The following PRICKLE1 variants were observed in gnomAD, a reference collection of about 807,000 sequenced individuals.
PRICKLE1 encodes the protein prickle planar cell polarity protein 1.
A neutral mutation model predicts 70.2 loss-of-function variants in PRICKLE1; 14 were observed. The ratio of observed to expected loss-of-function variants is 0.20; its 90% CI spans 0.13 to 0.31. The LOEUF (loss-of-function observed/expected upper bound fraction) is 0.31. Ranked by LOEUF, PRICKLE1 falls within the 10% of genes least tolerant of loss-of-function variation. PRICKLE1 has a pLI of 1.00. For synonymous variants in PRICKLE1, 357 were observed against 379.9 expected, an observed-to-expected ratio of 0.94 and a Z score of 0.70; for missense variants, 821 against 1,026.2, an observed-to-expected ratio of 0.80 and a Z score of 2.73.
At chr12:42,540,232 T>C (rs1481267112) in intron 1 of PRICKLE1, among the ~76,000 whole-genome samples, 1 of 152,200 alleles carries the variant, frequency 6.6e-6, no homozygotes, top group African/African-American at 2.4e-5. Context: ...TGATAGAATG[T>C]TTCCCTCAGG....
At chr12:42,529,946 TTCCTTCC>T in intron 1 of PRICKLE1, among the ~76,000 whole-genome samples, 6 of 49,898 alleles carry the variant, frequency 1.2e-4, no homozygotes, top group African/African-American at 2.6e-4. Flanking sequence ...CCTTTCTTCC[TTCCTTCC>T]TTTTTTTTTT....
intron 1 of PRICKLE1, among the ~76,000 whole-genome samples, chr12:42,574,503 T>A (rs921949799): frequency 2.6e-5 from 4 of 152,270 alleles, no homozygotes; most frequent in African/African-American, 9.6e-5. Flanking sequence ...GAAATTGGCA[T>A]GTTCAGCCAC....
At chr12:42,535,726 G>A (rs931926023) in intron 1 of PRICKLE1, among the ~76,000 whole-genome samples, 2 of 152,184 alleles carry the variant, frequency 1.3e-5, no homozygotes, top group Admixed American at 1.3e-4. Context: ...TGAGGCTGCA[G>A]TAAGCTATGA....
At chr12:42,579,629 G>A (rs1380006910) in intron 1 of PRICKLE1, among the ~76,000 whole-genome samples, 1 of 152,140 alleles carries the variant, frequency 6.6e-6, no homozygotes, top group Non-Finnish European at 1.5e-5. Flanking sequence ...TTTGGCAGAG[G>A]GCATATGGTA....
rs556218718 is a variant in PRICKLE1 at position 42,485,239 on chromosome 12, G to GTTT, written c.-48-12678_-48-12676dup. 5.4e-4 allele frequency: 54 copies of GTTT among 100,808 alleles called. 1 individual carries two copies. The highest frequency in any genetic ancestry group is 7.7e-4 in the Non-Finnish European group (41 of 53,146). 6.2% of individuals were successfully genotyped at this position (100,808 alleles called of 1,614,324 possible). A position where few individuals can be genotyped will look rare whatever the true frequency, so the allele number is the denominator to read the frequency against. The stretch of plus-strand genomic sequence containing the variant: ...AGCTACAAAGTAAGGCAGCTGAGAA[G>GTTT]TTTTTTTTTTTTTTTTTTTTTTTTT... On this transcript the variant is annotated intron_variant, in intron 1 of 7. Transcript: ENST00000345127.
Position 42,535,681 on chromosome 12 carries a change from G to A in PRICKLE1, c.-49+53784C>T, listed in dbSNP as rs963260032. 2.0e-4 allele frequency among the ~76,000 whole-genome samples: 30 copies of A among 152,318 alleles called. 1 individual carries two copies. The highest frequency in any genetic ancestry group is 1.4e-3 in the Admixed American group (22 of 15,300). On this transcript the variant is annotated intron_variant, in intron 1 of 7. Coordinates refer to ENST00000345127, the MANE Select transcript of PRICKLE1 (RefSeq NM_153026.3). ...ACCCTCTAGTCCCAGCTATTGGGGA[G>A]GTCGAGGCAGGAGGATTGCTTGAGC... is the stretch of plus-strand genomic sequence containing the variant.
intron 1 of PRICKLE1, among the ~76,000 whole-genome samples, chr12:42,478,399 A>G (rs1339845012): frequency 6.6e-6 from 1 of 151,986 alleles, no homozygotes; most frequent in African/African-American, 2.4e-5. Flanking sequence ...AATGAAGGAG[A>G]AAGAAAAGCA....
intron 1 of PRICKLE1, among the ~76,000 whole-genome samples, chr12:42,490,341 G>A (rs933340507): frequency 1.3e-5 from 2 of 152,184 alleles, no homozygotes; most frequent in Admixed American, 6.5e-5. Flanking sequence ...GTCAAAGTTT[G>A]AGGGCCAAAA....
chr12:42,460,710 T>C (rs1937796078), intron 7 of PRICKLE1, 45 bp from the exon 8 acceptor site: 1 of 1,593,422 alleles, frequency 6.3e-7, no homozygotes, highest in South Asian at 1.1e-5. Flanking sequence ...ATCATCCTAA[T>C]ATTCGACAGT....
chr12:42,560,840 T>C (rs1940502160), intron 1 of PRICKLE1, among the ~76,000 whole-genome samples: 2 of 151,546 alleles, frequency 1.3e-5, no homozygotes, highest in Non-Finnish European at 1.5e-5. Flanking sequence ...ACATGCTCTA[T>C]TGGGAATTCT....
rs1304426627 is a variant in PRICKLE1, at chr12:42,459,859, T to C, written c.2446A>G (p.Lys816Glu). 2 of 1,614,100 alleles carry C rather than the reference T, an allele frequency of 1.2e-6. No homozygotes were observed. Among genetic ancestry groups the C allele is most frequent in the Non-Finnish European group, 1.7e-6 (2 of 1,180,052 alleles). ...PTPQFGQRTT[K>E]SKKKKGHKGK... ...TTGTGTCCCTTTTTCTTCTTGGATT[T>C]TGTTGTCCTCTGACCAAACTGAGGG... The change falls in exon 8 of 8, where the codon AAA becomes GAA. Residue 816 changes from lysine (K) to glutamate (E), a missense_variant. Lys to Glu is a moderately conservative substitution (Grantham distance 56). Transcript: ENST00000345127.
At chr12:42,503,732 A>G (rs2708067) in intron 1 of PRICKLE1, among the ~76,000 whole-genome samples, 26,407 of 152,144 alleles carry the variant, frequency 0.17, 3,042 homozygotes, top group African/African-American at 0.31. Context: ...ATCCCTAGCC[A>G]TTGGGGTAAT....
intron 1 of PRICKLE1, among the ~76,000 whole-genome samples, chr12:42,540,904 G>A (rs914474574): frequency 1.1e-4 from 17 of 151,996 alleles, no homozygotes; most frequent in Admixed American, 7.2e-4. Flanking sequence ...TACTCCTTAA[G>A]ATCCTCTCAC....
At chr12:42,470,023 G>A in intron 3 of PRICKLE1, 1 of 537,650 alleles carries the variant, frequency 1.9e-6, no homozygotes, top group Non-Finnish European at 3.3e-6. Context: ...GTGGGTGGCT[G>A]CAAACACTAT....
intron 1 of PRICKLE1, among the ~76,000 whole-genome samples, chr12:42,481,388 T>A (rs532936564): frequency 6.6e-6 from 1 of 152,304 alleles, no homozygotes; most frequent in East Asian, 1.9e-4. Context: ...AAGACTACCA[T>A]GGCATTGTAA....
chr12:42,522,936 T>C, intron 1 of PRICKLE1, among the ~76,000 whole-genome samples: 1 of 151,808 alleles, frequency 6.6e-6, no homozygotes, highest in African/African-American at 2.4e-5. Flanking sequence ...AAGCAGTTCA[T>C]GTTAGTTGAA....
At chr12:42,503,500 A>G (rs1163544125) in intron 1 of PRICKLE1, among the ~76,000 whole-genome samples, 1 of 152,168 alleles carries the variant, frequency 6.6e-6, no homozygotes, top group African/African-American at 2.4e-5. Flanking sequence ...AATCTTAACT[A>G]AAGTAACTAC....
At chr12:42,476,804 C>A (rs1938554586) in intron 1 of PRICKLE1, among the ~76,000 whole-genome samples, 2 of 151,970 alleles carry the variant, frequency 1.3e-5, no homozygotes, top group Non-Finnish European at 2.9e-5. Context: ...TGTGCCACCA[C>A]ACCAAAGTTT....
intron 1 of PRICKLE1, among the ~76,000 whole-genome samples, chr12:42,501,629 C>A (rs1939313887): frequency 1.3e-5 from 2 of 151,538 alleles, no homozygotes; most frequent in Admixed American, 1.3e-4. Flanking sequence ...TAACATGCAA[C>A]TGATTCCTAC....
Sources: allele counts gnomAD v4.1 joint callset (sites outside exome capture counted in the v4.1 genomes callset), GRCh38; gene constraint gnomAD v4.1.1; transcripts MANE v1.5; gene names NCBI Gene and HGNC (gene_info 2026-07-23, HGNC 2026-07-21).